The following PRDM6 variants were observed in gnomAD, a reference collection of about 807,000 sequenced individuals.
The protein encoded by PRDM6 is PR/SET domain 6.
PRDM6 carries 25 observed loss-of-function variants against 60.8 expected under a neutral mutation model. The ratio of observed to expected loss-of-function variants is 0.41; its 90% CI spans 0.30 to 0.57. The LOEUF (loss-of-function observed/expected upper bound fraction) is 0.57. PRDM6 is among the 20% of genes least tolerant of loss of function. The probability of loss-of-function intolerance (pLI) is 0.27; values close to 1 mark genes in which losing one functional copy is unlikely to be tolerated. For synonymous variants in PRDM6, 407 were observed against 357.4 expected (o/e 1.14, Z -1.57); for missense variants, 839 against 821.3 (o/e 1.02, Z -0.26).
Position 123,118,840 on chromosome 5 carries a change from A to G in PRDM6, c.900+18879A>G, listed in dbSNP as rs114465767. On this transcript the variant is annotated intron_variant, in intron 3 of 7. Transcript: ENST00000407847. ...TCTTTTCTTTCCTTTTCTGATGGTGATTGTGGTAACATCACGCACAGGCAC... is the reference window on the plus strand; with the variant it reads ...TCTTTTCTTTCCTTTTCTGATGGTGGTTGTGGTAACATCACGCACAGGCAC... Among the ~76,000 whole-genome samples, 1,267 of 152,230 alleles carry G rather than the reference A, an allele frequency of 8.3e-3. 25 individuals carry two copies. The highest frequency in any genetic ancestry group is 0.029 in the African/African-American group (1,205 of 41,506).
intron 3 of PRDM6, among the ~76,000 whole-genome samples, chr5:123,138,681 CAT>C (rs1249953886): frequency 6.6e-6 from 1 of 152,092 alleles, no homozygotes. Flanking sequence ...GCAAAGCAAA[CAT>C]AATCATAGAA....
intron 3 of PRDM6, among the ~76,000 whole-genome samples, chr5:123,136,939 A>G (rs1473167100): frequency 6.6e-6 from 1 of 152,194 alleles, no homozygotes. Flanking sequence ...ACACTCTGCA[A>G]CCAAGCTCTT....
intron 3 of PRDM6, among the ~76,000 whole-genome samples, chr5:123,107,254 A>G (rs573333160): frequency 6.6e-6 from 1 of 152,368 alleles, no homozygotes; most frequent in South Asian, 2.1e-4. Context: ...TTGATTGCAG[A>G]TCTAAAATTC....
intron 6 of PRDM6, among the ~76,000 whole-genome samples, chr5:123,179,847 C>A (rs557037613): frequency 9.9e-5 from 15 of 152,146 alleles, no homozygotes; most frequent in Non-Finnish European, 2.1e-4. Flanking sequence ...TCCCTACTTA[C>A]AAAAGTACCC....
chr5:123,150,641 A>G (rs1580520164), intron 3 of PRDM6, among the ~76,000 whole-genome samples: 2 of 152,174 alleles, frequency 1.3e-5, no homozygotes, highest in Non-Finnish European at 2.9e-5. Flanking sequence ...ACACTTGACT[A>G]TTGGAACCCC....
At position 123,099,636 on chromosome 5, in the gene PRDM6, CCTT is replaced by C. The variant is rs1173741203; in HGVS notation, c.593-14_593-12del. ...GATTAACCCGCTCCCTTCCCTTCCT[CCTT>C]CTTGTCTCCCGCAGGTTGCGACATG... On this transcript the variant is annotated splice_polypyrimidine_tract_variant and intron_variant, in intron 2 of 7. Coordinates refer to ENST00000407847, the MANE Select transcript of PRDM6 (RefSeq NM_001136239.4). The surrounding 1 kb of genome is among the most constrained non-coding windows in gnomAD (Gnocchi z 4.0). 6.9e-6 allele frequency: 10 copies of C among 1,445,002 alleles called. No homozygotes were observed. Among genetic ancestry groups the C allele is most frequent in the Non-Finnish European group, 9.1e-6 (10 of 1,095,352 alleles). 89.5% of individuals were successfully genotyped at this position (1,445,002 alleles called of 1,614,324 possible).
chr5:123,102,363 C>T (rs994735407), intron 3 of PRDM6, among the ~76,000 whole-genome samples: 2 of 151,680 alleles, frequency 1.3e-5, no homozygotes, highest in African/African-American at 2.4e-5. Flanking sequence ...GAAACATGAC[C>T]GTTTGAATTG....
At chr5:123,169,897 T>C (rs543726245) in intron 5 of PRDM6, among the ~76,000 whole-genome samples, 18 of 152,306 alleles carry the variant, frequency 1.2e-4, no homozygotes, top group African/African-American at 4.3e-4. Flanking sequence ...AACCTAGGTC[T>C]TTCAGATTCC....
At chr5:123,159,730 G>C in intron 5 of PRDM6, 92 bp downstream of exon 5, 1 of 1,250,892 alleles carries the variant, frequency 8.0e-7, no homozygotes, top group South Asian at 1.4e-5. Context: ...CATGAAACGT[G>C]GTTCACTGTA....
chr5:123,174,050 C>G (rs1252336253), intron 6 of PRDM6, among the ~76,000 whole-genome samples: 1 of 152,096 alleles, frequency 6.6e-6, no homozygotes, highest in Non-Finnish European at 1.5e-5. Flanking sequence ...TTGAGTATCC[C>G]TTGTCCAAAA....
intron 3 of PRDM6, among the ~76,000 whole-genome samples, chr5:123,123,133 C>T (rs945377288): frequency 3.3e-5 from 5 of 152,196 alleles, no homozygotes; most frequent in African/African-American, 1.2e-4. Flanking sequence ...TATCAGTTTA[C>T]ACTCCCCTGA....
chr5:123,136,424 C>T (rs889752937), intron 3 of PRDM6, among the ~76,000 whole-genome samples: 34 of 152,056 alleles, frequency 2.2e-4, no homozygotes, highest in African/African-American at 8.2e-4. Flanking sequence ...GCAAAGTAGA[C>T]ACCCGAGAGG....
In PRDM6 at chr5:123,190,996, A is replaced by G. The variant is rs1382610519; in HGVS notation, c.*3795A>G. On this transcript the variant is annotated 3_prime_UTR_variant, in exon 8 of 8. Coordinates refer to ENST00000407847, the MANE Select transcript of PRDM6 (RefSeq NM_001136239.4). ...ATAGCATATTGCAAAACAAGTTAAG[A>G]TGCACAACTTGGTTGTCTTTGCTTA... 1.3e-5 allele frequency: 2 copies of G among 152,196 alleles called. No homozygotes were observed. The highest frequency in any genetic ancestry group is 2.9e-5 in the Non-Finnish European group (2 of 68,042). The allele number at this position is 152,196 out of a possible 1,614,324, so 9.4% of individuals were successfully genotyped here.
rs116108119 is a variant in PRDM6 at position 123,148,815 on chromosome 5, T to C, written c.901-7069T>C. 6.4e-3 allele frequency among the ~76,000 whole-genome samples: 976 copies of C among 152,310 alleles called. 12 individuals carry two copies. Among genetic ancestry groups the C allele is most frequent in the African/African-American group, 0.022 (933 of 41,560 alleles). ...CCCTCATTTGGAGAATTTCAGTTAG[T>C]TTTAAAGGAAGAGCTCTACATTTCT... On this transcript the variant is annotated intron_variant, in intron 3 of 7. Coordinates refer to ENST00000407847, the MANE Select transcript of PRDM6 (RefSeq NM_001136239.4).
chr5:123,173,495 G>A (rs2126885889), intron 6 of PRDM6: 1 of 167,124 alleles, frequency 6.0e-6, no homozygotes, highest in Non-Finnish European at 1.5e-5. Flanking sequence ...TGAAGTAATG[G>A]GCTTGTTATC....
rs1430405039 is a variant in PRDM6, at chr5:123,099,617, C to T, written c.593-37C>T. The T allele has an allele frequency of 5.6e-6, 8 of 1,433,498 alleles. No homozygotes were observed. The highest frequency in any genetic ancestry group is 2.9e-5 in the African/African-American group (2 of 68,074). 88.8% of individuals were successfully genotyped at this position (1,433,498 alleles called of 1,614,324 possible). On this transcript the variant is annotated intron_variant, in intron 2 of 7. Transcript: ENST00000407847. The surrounding 1 kb of genome is among the most constrained non-coding windows in gnomAD (Gnocchi z 4.0). ...GGGCCGCTCGGGGCGGCCGGATTAA[C>T]CCGCTCCCTTCCCTTCCTCCTTCTT...
At chr5:123,147,208 G>T (rs1765260022) in intron 3 of PRDM6, among the ~76,000 whole-genome samples, 1 of 151,500 alleles carries the variant, frequency 6.6e-6, no homozygotes, top group Admixed American at 6.6e-5. Context: ...CTGGATTTAA[G>T]CAATTTTTAA....
chr5:123,098,240 G>T (rs899182079), intron 2 of PRDM6, among the ~76,000 whole-genome samples: 3 of 152,248 alleles, frequency 2.0e-5, no homozygotes, highest in Admixed American at 2.0e-4. Context: ...CCGCCGCCCC[G>T]CTCTGGCGCA....
At chr5:123,112,571 C>T (rs1764337273) in intron 3 of PRDM6, among the ~76,000 whole-genome samples, 1 of 152,162 alleles carries the variant, frequency 6.6e-6, no homozygotes, top group African/African-American at 2.4e-5. Flanking sequence ...AAGCGATGCT[C>T]TCAGATTCAG....
Sources: gnomAD v4.1 joint callset for allele counts (sites outside exome capture counted in the v4.1 genomes callset) on GRCh38, gnomAD v4.1.1 for gene constraint, Gnocchi (gnomAD v3.1) non-coding constraint, MANE v1.5 for transcripts, NCBI Gene and HGNC (gene_info 2026-07-23, HGNC 2026-07-21) for gene names.